The following ZC3H18 variants were observed in gnomAD, a reference collection of about 807,000 sequenced individuals.
ZC3H18 encodes zinc finger CCCH-type containing 18, also known as zinc finger CCCH domain-containing protein 18.
In ZC3H18, 8 loss-of-function variants were observed where a neutral mutation model predicts 106.1. The ratio of observed to expected loss-of-function variants is 0.08; its 90% CI spans 0.04 to 0.14. ZC3H18 has a LOEUF of 0.14. Among genes scored for constraint, ZC3H18 ranks in the 10% least tolerant of loss-of-function variants. The pLI, the probability that ZC3H18 is intolerant of heterozygous loss-of-function variation, is 1.00. For missense variants in ZC3H18, 1,318 were observed against 1,278.4 expected (o/e 1.03, Z -0.47); for synonymous variants, 635 against 522.1 (o/e 1.22, Z -2.95).
chr16:88,614,334 C>T (rs112392096), intron 8 of ZC3H18, among the ~76,000 whole-genome samples: 9 of 152,364 alleles, frequency 5.9e-5, no homozygotes, highest in East Asian at 1.9e-4. Context: ...CTTTCCACCA[C>T]GGGACAAAAA....
At chr16:88,628,692 C>T in intron 15 of ZC3H18, 66 bp from the exon 16 acceptor site, 1 of 1,572,678 alleles carries the variant, frequency 6.4e-7, no homozygotes, top group Non-Finnish European at 8.7e-7. Context: ...CCCATGTCCT[C>T]TGGGGCGAGG....
intron 17 of ZC3H18, among the ~76,000 whole-genome samples, 165 bp downstream of exon 17, chr16:88,630,746 C>CCCT (rs1906617282): frequency 1.2e-5 from 1 of 86,376 alleles, no homozygotes; most frequent in African/African-American, 4.5e-5. Context: ...GAATTGCAGC[C>CCCT]CCACCCCCCA....
At chr16:88,623,686 G>A in intron 10 of ZC3H18, 2 of 576,940 alleles carry the variant, frequency 3.5e-6, no homozygotes, top group Non-Finnish European at 5.9e-6. Context: ...CACTGCCAAG[G>A]AGCCTGTCTC....
At chr16:88,630,969 G>A in intron 17 of ZC3H18, 132 bp from the exon 18 acceptor site, 1 of 1,145,808 alleles carries the variant, frequency 8.7e-7, no homozygotes, top group Non-Finnish European at 1.3e-6. Context: ...TGGGAGCCTG[G>A]CCATCCAGGG....
rs113864820 is a variant in ZC3H18 at position 88,618,653 on chromosome 16, A to G, written c.1476-3544A>G. Among the ~76,000 whole-genome samples, 1,222 of 152,140 alleles carry G rather than the reference A, an allele frequency of 8.0e-3. 17 individuals are homozygous for G. Among genetic ancestry groups the G allele is most frequent in the African/African-American group, 0.027 (1,132 of 41,496 alleles). On this transcript the variant is annotated intron_variant, in intron 8 of 17. Transcript: ENST00000301011. ...TTTTGTCTGCCTCTGGCATGTTTGC[A>G]TTGGTGGTGGAGCTGACCTTTGCCC...
intron 8 of ZC3H18, among the ~76,000 whole-genome samples, chr16:88,621,459 C>T (rs1006288446): frequency 2.0e-5 from 3 of 152,034 alleles, no homozygotes; most frequent in Admixed American, 1.3e-4. Flanking sequence ...CTCTTGACCT[C>T]GTGATTCGCC....
chr16:88,624,017 C>T lies in ZC3H18; in HGVS notation c.1853C>T (p.Ser618Phe). The change falls in exon 11 of 18, where the codon TCC becomes TTC. Residue 618 changes from serine (S) to phenylalanine (F), a missense_variant. Physicochemically the swap from Ser to Phe is radical, Grantham distance 155. This residue lies in a region of ZC3H18 where 848 missense variants were observed against 821.7 expected (regional missense o/e 1.03). Transcript: ENST00000301011. ...CCAACACCTTCCCCACATAGACCTTCCATCAGAACCAAGGGAGAGCCGGCC... is the reference window on the plus strand; with the variant it reads ...CCAACACCTTCCCCACATAGACCTTTCATCAGAACCAAGGGAGAGCCGGCC... ...PSPTPSPHRP[S>F]IRTKGEPAPP... 6.2e-7 allele frequency: 1 copy of T among 1,614,106 alleles called. No individual in the cohort carries two copies. The highest frequency in any genetic ancestry group is 8.5e-7 in the Non-Finnish European group (1 of 1,179,972).
intron 9 of ZC3H18, chr16:88,622,723 C>T: frequency 3.1e-6 from 1 of 323,246 alleles, no homozygotes; most frequent in South Asian, 4.1e-5. Context: ...TCTGTTCCTC[C>T]AGACTGGACC....
intron 4 of ZC3H18, 47 bp downstream of exon 4, chr16:88,598,373 CTG>C: frequency 6.4e-7 from 1 of 1,563,908 alleles, no homozygotes; most frequent in Non-Finnish European, 8.6e-7. Flanking sequence ...GCCAACTGAG[CTG>C]TGTCTGAATC....
At chr16:88,605,536 C>T (rs1904970843) in intron 6 of ZC3H18, among the ~76,000 whole-genome samples, 2 of 152,360 alleles carry the variant, frequency 1.3e-5, no homozygotes, top group South Asian at 2.1e-4. Context: ...GAGCATCTGA[C>T]TCCCACCCTT....
chr16:88,588,381 G>C (rs1320719616), intron 3 of ZC3H18, among the ~76,000 whole-genome samples: 1 of 152,234 alleles, frequency 6.6e-6, no homozygotes, highest in Non-Finnish European at 1.5e-5. Context: ...AACTGCAGGA[G>C]GCTGCAGCAT....
In ZC3H18 at chr16:88,577,514, G is replaced by A; in HGVS notation, c.391G>A (p.Asp131Asn). ...RELDEHELDY[D>N]EEVPEEPAPA... ...GCTGGATGAGCATGAGCTAGACTAC[G>A]ATGAGGAGGTTCCTGAGGAGCCAGC... The change falls in exon 2 of 18, where the codon GAT (aspartate) becomes AAT (asparagine). Residue 131 changes from aspartate (D) to asparagine (N), a missense_variant. Physicochemically the swap from Asp to Asn is conservative, Grantham distance 23. Around this residue, in one of 6 missense-constraint regions of ZC3H18, gnomAD observed 346 missense variants for 269.0 expected, o/e 1.29. Transcript: ENST00000301011. The A allele has an allele frequency of 6.2e-7, 1 of 1,613,104 alleles. No individual in the cohort carries two copies. Among genetic ancestry groups the A allele is most frequent in the Non-Finnish European group, 8.5e-7 (1 of 1,179,822 alleles).
At chr16:88,624,432 A>G (rs2142816928) in intron 11 of ZC3H18, 170 bp from the exon 12 acceptor site, 1 of 1,100,948 alleles carries the variant, frequency 9.1e-7, no homozygotes, top group South Asian at 1.5e-5. Context: ...AGCCGTTCCC[A>G]AGCACTCTGA....
In ZC3H18 at chr16:88,611,440, G is replaced by A. The variant is rs747368464; in HGVS notation, c.1379G>A (p.Arg460Gln). The A allele has an allele frequency of 8.6e-6, 13 of 1,507,870 alleles. No homozygotes were observed. Among genetic ancestry groups the A allele is most frequent in the South Asian group, 4.8e-5 (4 of 83,190 alleles). The allele number at this position is 1,507,870 out of a possible 1,614,324, so 93.4% of individuals were successfully genotyped here. The change falls in exon 8 of 18, where the codon CGG becomes CAG. Residue 460 changes from arginine (R) to glutamine (Q), a missense_variant. Around this residue, in one of 6 missense-constraint regions of ZC3H18, gnomAD observed 848 missense variants for 821.7 expected, o/e 1.03. Coordinates refer to ENST00000301011, the MANE Select transcript of ZC3H18 (RefSeq NM_144604.4). ...KEEWERERAKRDEKDRQHRDR... is the reference protein window; with the variant it reads ...KEEWERERAKQDEKDRQHRDR... ...GAGTGGGAGCGTGAGCGAGCCAAGC[G>A]GGACGAGAAGGACCGGCAGCACCGT... is the stretch of plus-strand genomic sequence containing the variant.
intron 11 of ZC3H18, 166 bp downstream of exon 11, chr16:88,624,228 C>T (rs1906151011): frequency 3.2e-6 from 3 of 928,122 alleles, no homozygotes; most frequent in Admixed American, 2.8e-5. Flanking sequence ...GGGCACAGCT[C>T]CTGTTCTCAC....
chr16:88,609,085 C>G (rs773411410), intron 7 of ZC3H18, 34 bp downstream of exon 7: 1 of 1,517,438 alleles, frequency 6.6e-7, no homozygotes, highest in Middle Eastern at 1.7e-4. Context: ...ATATGAACTT[C>G]ATGATCTGTT....
chr16:88,602,321 G>C lies in ZC3H18; in HGVS notation c.1088+2373G>C, dbSNP rs1904791559. Among the ~76,000 whole-genome samples the C allele has an allele frequency of 2.0e-5, 3 of 152,374 alleles. No individual in the cohort carries two copies. The South Asian group carries it at 6.2e-4, about 32-fold the overall frequency. ...TGTGTTGCAATCCTGCTGCATGACA[G>C]GCTTCGCATCCAGTGCTCCTGACCT... On this transcript the variant is annotated intron_variant, in intron 6 of 17. Coordinates refer to ENST00000301011, the MANE Select transcript of ZC3H18 (RefSeq NM_144604.4).
chr16:88,582,196 A>G (rs543017045), intron 2 of ZC3H18, among the ~76,000 whole-genome samples: 1 of 147,736 alleles, frequency 6.8e-6, no homozygotes, highest in East Asian at 2.0e-4. Context: ...CTCCTGTTTA[A>G]ATCCACCTTT....
In ZC3H18 at chr16:88,583,313, T is replaced by C. The variant is rs556882686; in HGVS notation, c.604-3287T>C. On this transcript the variant is annotated intron_variant, in intron 2 of 17. Transcript: ENST00000301011. ...GTCATTGCTCTGAGTTAGTCCTGTT[T>C]AGCACGTTACCAGTGAGGCGTTTCC... is the stretch of plus-strand genomic sequence containing the variant. 1.1e-4 allele frequency among the ~76,000 whole-genome samples: 17 copies of C among 152,398 alleles called. No homozygotes were observed. In the South Asian group the frequency reaches 3.5e-3, roughly 32 times the overall value.
Sources: gnomAD v4.1 joint callset for allele counts (sites outside exome capture counted in the v4.1 genomes callset) on GRCh38, gnomAD v4.1.1 for gene constraint, gnomAD v4.1.1 regional missense constraint, MANE v1.5 for transcripts, NCBI Gene and HGNC (gene_info 2026-07-23, HGNC 2026-07-21) for gene names.